WDFY1: variants seen among roughly 807,000 people sequenced by gnomAD.
The protein encoded by WDFY1 is WD repeat and FYVE domain-containing protein 1.
In WDFY1, 32 loss-of-function variants were observed where a neutral mutation model predicts 56.4. The ratio of observed to expected loss-of-function variants is 0.57; its 90% CI spans 0.43 to 0.76. The LOEUF (loss-of-function observed/expected upper bound fraction) is 0.76, where lower values mean the gene tolerates loss of function less well. Among genes scored for constraint, WDFY1 ranks in the 30% least tolerant of loss-of-function variants. WDFY1 has a pLI of 0.00. For missense variants in WDFY1, 480 were observed against 545.7 expected, an observed-to-expected ratio of 0.88 and a Z score of 1.20; for synonymous variants, 192 against 197.3, an observed-to-expected ratio of 0.97 and a Z score of 0.23.
At chr2:223,920,277 CA>C (rs1249956229) in intron 1 of WDFY1, among the ~76,000 whole-genome samples, 1 of 152,218 alleles carries the variant, frequency 6.6e-6, no homozygotes, top group African/African-American at 2.4e-5. Flanking sequence ...CAAGTGTGCC[CA>C]GGGGGATCAG....
intron 4 of WDFY1, among the ~76,000 whole-genome samples, chr2:223,904,110 TTATAA>T (rs1693558357): frequency 6.6e-6 from 1 of 152,206 alleles, no homozygotes; most frequent in Non-Finnish European, 1.5e-5. Context: ...GCTTCTGGTG[TTATAA>T]TAACACCATA....
At chr2:223,934,812 C>T (rs527569035) in intron 1 of WDFY1, among the ~76,000 whole-genome samples, 2 of 152,250 alleles carry the variant, frequency 1.3e-5, no homozygotes, top group Admixed American at 1.3e-4. Context: ...TGAGCCATTG[C>T]GCCCAGCCAG....
intron 8 of WDFY1, among the ~76,000 whole-genome samples, chr2:223,893,497 T>G (rs1378680923): frequency 6.6e-6 from 1 of 150,764 alleles, no homozygotes. Context: ...GCCACTGCAC[T>G]CCAGCCTGGG....
intron 1 of WDFY1, among the ~76,000 whole-genome samples, chr2:223,936,632 C>T (rs890461513): frequency 1.1e-4 from 17 of 152,188 alleles, no homozygotes; most frequent in Non-Finnish European, 1.6e-4. Flanking sequence ...GTCTTGCTTG[C>T]AAGGTTGGCC....
At chr2:223,883,987 C>CAT (rs1178449103) in intron 9 of WDFY1, among the ~76,000 whole-genome samples, 11 of 151,524 alleles carry the variant, frequency 7.3e-5, no homozygotes, top group African/African-American at 2.7e-4. Context: ...GCTAATCGCT[C>CAT]ATAGAGATGC....
At chr2:223,901,073 A>G in intron 5 of WDFY1, 110 bp downstream of exon 5, 1 of 1,349,638 alleles carries the variant, frequency 7.4e-7, no homozygotes, top group East Asian at 2.5e-5. Flanking sequence ...GCACAAACTT[A>G]AATAGGTTTC....
chr2:223,884,827 T>C (rs1346374702), intron 8 of WDFY1, 78 bp from the exon 9 acceptor site: 2 of 1,266,588 alleles, frequency 1.6e-6, no homozygotes, highest in South Asian at 1.3e-5. Context: ...ACAACAGTTC[T>C]AGACCTTGCC....
chr2:223,924,615 C>T (rs899368472), intron 1 of WDFY1, among the ~76,000 whole-genome samples: 3 of 152,170 alleles, frequency 2.0e-5, no homozygotes, highest in Admixed American at 6.5e-5. Context: ...CTGCCCGCCT[C>T]GGCCTCCCAA....
chr2:223,911,566 C>CCACACACACACA (rs58131865), intron 3 of WDFY1, among the ~76,000 whole-genome samples: 7 of 136,038 alleles, frequency 5.1e-5, no homozygotes, highest in African/African-American at 1.4e-4. Context: ...AGCTGAATGA[C>CCACACACACACA]CACACACACA....
intron 8 of WDFY1, among the ~76,000 whole-genome samples, chr2:223,894,008 G>A (rs964690893): frequency 2.6e-5 from 4 of 152,208 alleles, no homozygotes; most frequent in Non-Finnish European, 2.9e-5. Flanking sequence ...CAGCCTAAAC[G>A]CTGATTGTAT....
chr2:223,901,902 A>C (rs1482072571), intron 4 of WDFY1, among the ~76,000 whole-genome samples: 1 of 152,212 alleles, frequency 6.6e-6, no homozygotes, highest in Admixed American at 6.5e-5. Flanking sequence ...GCTTTTGTAA[A>C]GTTCTCTGTT....
intron 8 of WDFY1, 30 bp downstream of exon 8, chr2:223,894,204 G>C: frequency 6.2e-7 from 1 of 1,610,984 alleles, no homozygotes; most frequent in Non-Finnish European, 8.5e-7. Flanking sequence ...GGTCTCCCCC[G>C]ATCAGCCTGG....
intron 2 of WDFY1, among the ~76,000 whole-genome samples, chr2:223,916,653 C>T (rs549806421): frequency 1.3e-5 from 2 of 152,258 alleles, no homozygotes; most frequent in East Asian, 3.9e-4. Context: ...ACGGAGTTGA[C>T]TCCCCATTTG....
intron 10 of WDFY1, among the ~76,000 whole-genome samples, chr2:223,880,835 G>C (rs1318970): frequency 0.22 from 33,567 of 150,994 alleles, 4,661 homozygotes; most frequent in South Asian, 0.39. Context: ...TATAAAAGAA[G>C]AACTGCATTG....
intron 1 of WDFY1, among the ~76,000 whole-genome samples, chr2:223,943,532 C>T (rs1345764212): frequency 6.6e-6 from 1 of 152,194 alleles, no homozygotes; most frequent in African/African-American, 2.4e-5. Flanking sequence ...AGGCTAGAGA[C>T]CACGCCTTCA....
chr2:223,917,926 A>G lies in WDFY1; in HGVS notation c.205+17T>C. On this transcript the variant is annotated intron_variant, in intron 2 of 11. Transcript: ENST00000233055. ...ATTAGAGACATTTCTCTCAAATGGA[A>G]CAGTTCAGCTACTTACAGGCCATTG... 2 of 1,612,788 alleles carry G rather than the reference A, an allele frequency of 1.2e-6. No homozygotes were observed. Among genetic ancestry groups the G allele is most frequent in the Non-Finnish European group, 1.7e-6 (2 of 1,179,604 alleles).
At chr2:223,901,398 G>C in intron 4 of WDFY1, 65 bp from the exon 5 acceptor site, 1 of 1,582,002 alleles carries the variant, frequency 6.3e-7, no homozygotes, top group South Asian at 1.1e-5. Context: ...GAAGAACTGA[G>C]GCTCAACCTC....
Position 223,877,655 on chromosome 2 carries a change from GA to G in WDFY1, c.*1015del, listed in dbSNP as rs2106067311. 1 of 152,376 alleles carries G rather than the reference GA, an allele frequency of 6.6e-6. No individual in the cohort carries two copies. Among genetic ancestry groups the G allele is most frequent in the Admixed American group, 6.5e-5 (1 of 15,286 alleles). 9.4% of individuals were successfully genotyped at this position (152,376 alleles called of 1,614,324 possible). On this transcript the variant is annotated 3_prime_UTR_variant, in exon 12 of 12. Coordinates refer to ENST00000233055, the MANE Select transcript of WDFY1 (RefSeq NM_020830.5). ...CTCTGGGTCACTAACTTCTTTTTAT[GA>G]AAACATGAATAATACTAGTTATAAC...
chr2:223,897,390 A>ATTTTTTTTTTT lies in WDFY1; in HGVS notation c.598+1567_598+1568insAAAAAAAAAAA, dbSNP rs1553536123. ...TATATATATATATATATATATATATATTTTTTAAGACGGAGTCTCTCTCTG... is the reference window on the plus strand; with the variant it reads ...TATATATATATATATATATATATATATTTTTTTTTTTTTTTTTAAGACGGAGTCTCTCTCTG... On this transcript the variant is annotated intron_variant, in intron 6 of 11. Coordinates refer to ENST00000233055, the MANE Select transcript of WDFY1 (RefSeq NM_020830.5). Among the ~76,000 whole-genome samples, 32 of 125,990 alleles carry ATTTTTTTTTTT rather than the reference A, an allele frequency of 2.5e-4. 1 individual carries two copies. The highest frequency in any genetic ancestry group is 6.9e-4 in the East Asian group (3 of 4,362). The allele number at this position is 125,990 out of a possible 152,430, so 82.7% of individuals were successfully genotyped here.
Sources: gnomAD v4.1 joint callset for allele counts (sites outside exome capture counted in the v4.1 genomes callset) on GRCh38, gnomAD v4.1.1 for gene constraint, MANE v1.5 for transcripts, NCBI Gene and HGNC (gene_info 2026-07-23, HGNC 2026-07-21) for gene names.